DPY19L1: variants seen among roughly 807,000 people sequenced by gnomAD.
The protein encoded by DPY19L1 is protein C-mannosyl-transferase DPY19L1.
A neutral mutation model predicts 96.9 loss-of-function variants in DPY19L1; 35 were observed. The ratio of observed to expected loss-of-function variants is 0.36; its 90% confidence interval spans 0.28 to 0.48. DPY19L1 has a LOEUF of 0.48. DPY19L1 is among the 20% of genes least tolerant of loss of function. The pLI is 0.99. For missense variants in DPY19L1, 521 were observed against 777.9 expected (o/e 0.67, Z 3.93); for synonymous variants, 205 against 252.6 (o/e 0.81, Z 1.79).
chr7:34,967,333 T>C (rs903098203), intron 9 of DPY19L1, among the ~76,000 whole-genome samples: 1 of 152,094 alleles, frequency 6.6e-6, no homozygotes. Flanking sequence ...TAATACATAA[T>C]TGGGGAAGGT....
In DPY19L1 at chr7:34,974,588, T is replaced by C. The variant is rs549427412; in HGVS notation, c.823-983A>G. On this transcript the variant is annotated intron_variant, in intron 7 of 21. Transcript: ENST00000638088. Reference sequence around the variant, plus strand: ...CTCACACAAGAGAATGCTGAAAAGATTGAAAAGGTCCCCTGATAATGTATA... The same window carrying C: ...CTCACACAAGAGAATGCTGAAAAGACTGAAAAGGTCCCCTGATAATGTATA... 4.6e-5 allele frequency among the ~76,000 whole-genome samples: 7 copies of C among 152,336 alleles called. No individual in the cohort carries two copies. The South Asian group carries it at 1.2e-3, about 27-fold the overall frequency.
chr7:34,971,422 T>G (rs1236349188), intron 8 of DPY19L1, among the ~76,000 whole-genome samples: 1 of 151,942 alleles, frequency 6.6e-6, no homozygotes, highest in Non-Finnish European at 1.5e-5. Context: ...CCATGACAAC[T>G]AAGGGGCATA....
intron 1 of DPY19L1, among the ~76,000 whole-genome samples, chr7:35,023,833 C>CTTTTTTT (rs755619806): frequency 4.4e-4 from 49 of 111,808 alleles, no homozygotes; most frequent in South Asian, 3.6e-3. Context: ...CTTTTCTTTT[C>CTTTTTTT]TTTTTTTTTT....
chr7:35,027,082 A>C (rs986271128), intron 1 of DPY19L1, among the ~76,000 whole-genome samples: 2 of 152,128 alleles, frequency 1.3e-5, no homozygotes, highest in Non-Finnish European at 2.9e-5. Flanking sequence ...CTGTAATCCG[A>C]GCTGCTCAAT....
intron 7 of DPY19L1, among the ~76,000 whole-genome samples, chr7:34,985,565 GA>G (rs34523693): frequency 0.054 from 7,850 of 145,884 alleles, 410 homozygotes; most frequent in African/African-American, 0.14. Flanking sequence ...ACAGATATAT[GA>G]AAAAAAAAAA....
At chr7:34,949,485 AAG>A (rs1784225710) in intron 14 of DPY19L1, among the ~76,000 whole-genome samples, 1 of 152,238 alleles carries the variant, frequency 6.6e-6, no homozygotes, top group Admixed American at 6.5e-5. Flanking sequence ...GTGGAAATGT[AAG>A]AGTTTGAGAG....
At chr7:35,004,430 C>T (rs565050534) in intron 6 of DPY19L1, among the ~76,000 whole-genome samples, 23 of 152,206 alleles carry the variant, frequency 1.5e-4, no homozygotes, top group African/African-American at 5.3e-4. Flanking sequence ...TAAAGAAAAA[C>T]AAGGAAAACA....
At chr7:34,967,672 C>T (rs1649242) in intron 9 of DPY19L1, among the ~76,000 whole-genome samples, 2 of 151,894 alleles carry the variant, frequency 1.3e-5, no homozygotes, top group African/African-American at 4.8e-5. Flanking sequence ...GCCTCTACAC[C>T]CTTCCTCATA....
intron 1 of DPY19L1, among the ~76,000 whole-genome samples, chr7:35,035,269 T>C (rs1157510223): frequency 3.3e-5 from 5 of 152,148 alleles, no homozygotes; most frequent in African/African-American, 7.2e-5. Context: ...TCACTGTACC[T>C]CCTTTCAATG....
At chr7:34,987,740 T>C (rs1223583460) in intron 7 of DPY19L1, among the ~76,000 whole-genome samples, 4 of 151,906 alleles carry the variant, frequency 2.6e-5, no homozygotes, top group South Asian at 2.1e-4. Flanking sequence ...TTTCTGTCCA[T>C]AGAAAAAGTA....
At chr7:34,945,121 C>A (rs550096575) in intron 16 of DPY19L1, among the ~76,000 whole-genome samples, 1 of 152,168 alleles carries the variant, frequency 6.6e-6, no homozygotes, top group Admixed American at 6.5e-5. Flanking sequence ...CATTTAAGTA[C>A]AAAGGGTGAC....
At chr7:35,035,945 G>GACAA (rs747143114) in intron 1 of DPY19L1, among the ~76,000 whole-genome samples, 1 of 151,682 alleles carries the variant, frequency 6.6e-6, no homozygotes, top group Non-Finnish European at 1.5e-5. Context: ...GCTGGAAACA[G>GACAA]ACAAACAAAC....
intron 4 of DPY19L1, among the ~76,000 whole-genome samples, chr7:35,012,728 T>C (rs1334965095): frequency 7.1e-6 from 1 of 140,858 alleles, no homozygotes; most frequent in Non-Finnish European, 1.6e-5. Context: ...TATTTCTGTA[T>C]AGAAAAAAAT....
intron 6 of DPY19L1, among the ~76,000 whole-genome samples, chr7:34,996,436 C>T (rs548993921): frequency 1.3e-5 from 2 of 152,286 alleles, no homozygotes; most frequent in East Asian, 1.9e-4. Context: ...GCAGCCTCTT[C>T]CCAGATGCTT....
At chr7:34,976,308 AGATGT>A (rs1192302488) in intron 7 of DPY19L1, among the ~76,000 whole-genome samples, 3 of 152,222 alleles carry the variant, frequency 2.0e-5, no homozygotes, top group Non-Finnish European at 4.4e-5. Flanking sequence ...AAGTAACTGC[AGATGT>A]GATGGAAATG....
At chr7:34,987,471 A>G (rs1785075288) in intron 7 of DPY19L1, among the ~76,000 whole-genome samples, 1 of 152,124 alleles carries the variant, frequency 6.6e-6, no homozygotes, top group African/African-American at 2.4e-5. Flanking sequence ...ATAAAACCAT[A>G]TGAGGAAAAA....
At chr7:34,994,158 C>T (rs1785233507) in intron 6 of DPY19L1, among the ~76,000 whole-genome samples, 1 of 152,090 alleles carries the variant, frequency 6.6e-6, no homozygotes, top group African/African-American at 2.4e-5. Context: ...AATCTGATCA[C>T]AGTAGAAAAT....
At chr7:34,953,916 A>G (rs1165517830) in intron 13 of DPY19L1, among the ~76,000 whole-genome samples, 1 of 152,188 alleles carries the variant, frequency 6.6e-6, no homozygotes, top group African/African-American at 2.4e-5. Flanking sequence ...AGGGGAGTAG[A>G]CAGCCCTCAG....
At chr7:34,963,845 A>T (rs1428484829) in intron 10 of DPY19L1, among the ~76,000 whole-genome samples, 1 of 152,216 alleles carries the variant, frequency 6.6e-6, no homozygotes, top group Non-Finnish European at 1.5e-5. Flanking sequence ...CAAAAAGACA[A>T]ATACTGTATG....
Sources: allele counts gnomAD v4.1 joint callset (sites outside exome capture counted in the v4.1 genomes callset), GRCh38; gene constraint gnomAD v4.1.1; transcripts MANE v1.5; gene names NCBI Gene and HGNC (gene_info 2026-07-23, HGNC 2026-07-21).